COL25A1: variants seen among roughly 807,000 people sequenced by gnomAD.
COL25A1 encodes collagen alpha-1(XXV) chain.
COL25A1 carries 103 observed loss-of-function variants against 128.4 expected under a neutral mutation model. The ratio of observed to expected loss-of-function variants is 0.80; its 90% CI spans 0.68 to 0.94. The LOEUF is 0.94. Among genes scored for constraint, COL25A1 ranks in the 40% least tolerant of loss-of-function variants. The pLI is 0.00. For synonymous variants in COL25A1, 279 were observed against 277.2 expected (o/e 1.01, Z -0.06); for missense variants, 745 against 840.0 (o/e 0.89, Z 1.40).
rs932178109 is a variant in COL25A1 at position 109,156,769 on chromosome 4, T to G, written c.368-106590A>C. Among the ~76,000 whole-genome samples, 3 of 152,224 alleles carry G rather than the reference T, an allele frequency of 2.0e-5. No individual in the cohort carries two copies. The East Asian group carries it at 5.8e-4, about 29-fold the overall frequency. On this transcript the variant is annotated intron_variant, in intron 3 of 37. Transcript: ENST00000399132. ...TATTCCATCCAGTTTTTGTTTTCAG[T>G]GAACTGTAGATTGAAGGTTCTTATT...
At position 108,863,353 on chromosome 4, in the gene COL25A1, C is replaced by T; in HGVS notation, c.1118G>A (p.Gly373Asp). The change falls in exon 21 of 38, where the codon GGT (glycine) becomes GAT (aspartate). Residue 373 changes from glycine (G) to aspartate (D), a missense_variant. Transcript: ENST00000399132. ...GGGGGCTCCAGGTTCCCCTCGCTCA[C>T]CTCTTCCAGGAGGCCCTGCTTCCCC... ...ERGEAGPPGRGERGEPGAPGP... is the reference protein window; with the variant it reads ...ERGEAGPPGRDERGEPGAPGP... 2 of 1,613,822 alleles carry T rather than the reference C, an allele frequency of 1.2e-6. No homozygotes were observed. The highest frequency in any genetic ancestry group is 1.7e-5 in the Admixed American group (1 of 59,976).
At chr4:108,898,303 A>C (rs2125859774) in intron 15 of COL25A1, among the ~76,000 whole-genome samples, 1 of 152,208 alleles carries the variant, frequency 6.6e-6, no homozygotes, top group South Asian at 2.1e-4. Flanking sequence ...GTTGAAAAAT[A>C]CAGTTATAAT....
rs186868500 is a variant in COL25A1, at chr4:109,078,811, T to C, written c.368-28632A>G. On this transcript the variant is annotated intron_variant, in intron 3 of 37. Coordinates refer to ENST00000399132, the MANE Select transcript of COL25A1 (RefSeq NM_198721.4). ...TCCGCAGCCTGGGCAGACTTCCTAC[T>C]TGCCCTTGTAATCCTGAACACCTTC... Among the ~76,000 whole-genome samples, 414 of 152,280 alleles carry C rather than the reference T, an allele frequency of 2.7e-3. 1 individual carries two copies. Among genetic ancestry groups the C allele is most frequent in the Non-Finnish European group, 4.2e-3 (288 of 68,006 alleles).
At chr4:109,199,420 T>G (rs925003497) in intron 3 of COL25A1, among the ~76,000 whole-genome samples, 1 of 152,150 alleles carries the variant, frequency 6.6e-6, no homozygotes. Flanking sequence ...GTTGGGATTA[T>G]AGGCATGAGC....
intron 3 of COL25A1, among the ~76,000 whole-genome samples, chr4:109,164,394 C>G (rs1200522917): frequency 1.4e-5 from 2 of 147,168 alleles, no homozygotes; most frequent in African/African-American, 5.0e-5. Flanking sequence ...TGGAGTTTGA[C>G]CTAATCAAGA....
chr4:109,044,358 T>C (rs1760218456), intron 5 of COL25A1, among the ~76,000 whole-genome samples: 1 of 151,446 alleles, frequency 6.6e-6, no homozygotes, highest in African/African-American at 2.4e-5. Context: ...AAGTTGCAAA[T>C]ATATGGTTGC....
intron 19 of COL25A1, among the ~76,000 whole-genome samples, chr4:108,879,228 T>C (rs985918542): frequency 6.6e-6 from 1 of 152,220 alleles, no homozygotes; most frequent in Non-Finnish European, 1.5e-5. Context: ...CATACCCTCC[T>C]AGTCCCCAAG....
intron 19 of COL25A1, among the ~76,000 whole-genome samples, chr4:108,873,407 T>G (rs760981392): frequency 1.3e-5 from 2 of 152,138 alleles, no homozygotes; most frequent in Non-Finnish European, 2.9e-5. Flanking sequence ...AGTTAAGACT[T>G]ACCATACAAA....
intron 3 of COL25A1, among the ~76,000 whole-genome samples, chr4:109,072,647 C>G (rs557857467): frequency 6.6e-6 from 1 of 152,302 alleles, no homozygotes; most frequent in East Asian, 1.9e-4. Context: ...CAGACTCACC[C>G]ACATTCTTAG....
intron 5 of COL25A1, among the ~76,000 whole-genome samples, chr4:109,020,870 T>G (rs1480959470): frequency 6.6e-6 from 1 of 152,244 alleles, no homozygotes; most frequent in Non-Finnish European, 1.5e-5. Flanking sequence ...TTTTTACTAT[T>G]ATAAATAATG....
intron 3 of COL25A1, among the ~76,000 whole-genome samples, chr4:109,120,164 CA>C (rs1208480656): frequency 6.6e-6 from 1 of 152,042 alleles, no homozygotes; most frequent in Non-Finnish European, 1.5e-5. Flanking sequence ...AAACCTACAG[CA>C]AACATCATAC....
chr4:109,018,476 A>G (rs1403878261), intron 5 of COL25A1, among the ~76,000 whole-genome samples: 3 of 152,134 alleles, frequency 2.0e-5, no homozygotes, highest in Non-Finnish European at 4.4e-5. Context: ...CACCCACTTC[A>G]GCCTCCCAAA....
At chr4:109,223,202 G>A (rs1344996246) in intron 3 of COL25A1, among the ~76,000 whole-genome samples, 1 of 152,112 alleles carries the variant, frequency 6.6e-6, no homozygotes, top group Admixed American at 6.6e-5. Context: ...TTCTGTTACT[G>A]TAGATATTTT....
intron 12 of COL25A1, 70 bp from the exon 13 acceptor site, chr4:108,918,286 A>G (rs935170899): frequency 1.1e-4 from 123 of 1,144,618 alleles, no homozygotes; most frequent in Non-Finnish European, 1.5e-4. Flanking sequence ...TTTATATTGT[A>G]TTAGTTATGT....
chr4:108,896,693 C>T lies in COL25A1; in HGVS notation c.880G>A (p.Gly294Ser), dbSNP rs1377615578. 36 of 1,613,736 alleles carry T rather than the reference C, an allele frequency of 2.2e-5. No individual in the cohort carries two copies. The highest frequency in any genetic ancestry group is 2.9e-5 in the Non-Finnish European group (34 of 1,179,954). The change falls in exon 16 of 38, where the codon GGC (glycine) becomes AGC (serine). Residue 294 changes from glycine to serine, a missense_variant. Physicochemically the swap from Gly to Ser is moderately conservative, Grantham distance 56. This residue lies in a region of COL25A1 where 39 missense variants were observed against 73.3 expected (regional missense o/e 0.53). Transcript: ENST00000399132. ...TTTTCGCCTGTGTCACCCTTGGGGC[C>T]GTTCTCTCCAGCGTCTCCCTGAGGA... ...QGEKGDAGEN[G>S]PKGDTGEKGD...
intron 24 of COL25A1, among the ~76,000 whole-genome samples, chr4:108,857,825 T>C (rs1461097203): frequency 6.6e-6 from 1 of 152,136 alleles, no homozygotes; most frequent in Non-Finnish European, 1.5e-5. Context: ...ACATATCTGG[T>C]TAATATAAGC....
intron 3 of COL25A1, among the ~76,000 whole-genome samples, chr4:109,138,835 G>A (rs1483254871): frequency 2.6e-5 from 4 of 152,118 alleles, no homozygotes; most frequent in Non-Finnish European, 5.9e-5. Context: ...AGCCTCCCGA[G>A]TAGCTGGGAC....
chr4:109,276,088 T>A (rs368774197), intron 3 of COL25A1, among the ~76,000 whole-genome samples: 6 of 152,206 alleles, frequency 3.9e-5, no homozygotes, highest in Non-Finnish European at 5.9e-5. Context: ...ATGTTCTTAC[T>A]GGATGATAAA....
At chr4:109,128,272 T>G (rs769995917) in intron 3 of COL25A1, among the ~76,000 whole-genome samples, 7 of 152,182 alleles carry the variant, frequency 4.6e-5, no homozygotes, top group South Asian at 2.1e-4. Flanking sequence ...AGCTGAGGAC[T>G]AAACTCTGGC....
Sources: gnomAD v4.1 joint callset for allele counts (sites outside exome capture counted in the v4.1 genomes callset) on GRCh38, gnomAD v4.1.1 for gene constraint, gnomAD v4.1.1 regional missense constraint, MANE v1.5 for transcripts, NCBI Gene and HGNC (gene_info 2026-07-23, HGNC 2026-07-21) for gene names.